Variants in ERC2 observed in about 807,000 individuals in gnomAD.
ERC2 encodes ERC protein 2.
In ERC2, 42 loss-of-function variants were observed where a neutral mutation model predicts 114.8. The observed-to-expected ratio is 0.37, with a 90% confidence interval of 0.29 to 0.47. The LOEUF (loss-of-function observed/expected upper bound fraction) is 0.47, where lower values mean the gene tolerates loss of function less well. Among genes scored for constraint, ERC2 ranks in the 20% least tolerant of loss-of-function variants. ERC2 has a pLI of 0.99. For synonymous variants in ERC2, 454 were observed against 425.5 expected (o/e 1.07, Z -0.82); for missense variants, 939 against 1,150.7 (o/e 0.82, Z 2.66).
intron 10 of ERC2, among the ~76,000 whole-genome samples, chr3:56,006,842 G>A (rs1040665214): frequency 6.6e-6 from 1 of 152,136 alleles, no homozygotes; most frequent in African/African-American, 2.4e-5. Flanking sequence ...TGTGGCTTCC[G>A]GATTCTGTGA....
intron 3 of ERC2, among the ~76,000 whole-genome samples, chr3:56,227,121 T>C (rs756218612): frequency 2.4e-4 from 36 of 152,018 alleles, no homozygotes; most frequent in Non-Finnish European, 4.6e-4. Flanking sequence ...TCATAACCAC[T>C]CCTTTGCAAA....
intron 17 of ERC2, among the ~76,000 whole-genome samples, chr3:55,521,354 C>A (rs1254104636): frequency 5.9e-5 from 9 of 152,240 alleles, no homozygotes; most frequent in Non-Finnish European, 1.0e-4. Flanking sequence ...CAAGATCCTA[C>A]AACCCAGTGC....
intron 5 of ERC2, 63 bp downstream of exon 5, chr3:56,148,914 G>C (rs2081281607): frequency 1.4e-6 from 2 of 1,451,426 alleles, no homozygotes; most frequent in Admixed American, 3.7e-5. Flanking sequence ...GAAAAAGTAT[G>C]TATGTAAACT....
intron 6 of ERC2, among the ~76,000 whole-genome samples, chr3:56,128,131 A>G (rs1007656903): frequency 6.6e-6 from 1 of 152,200 alleles, no homozygotes; most frequent in Non-Finnish European, 1.5e-5. Flanking sequence ...TAGTGCTCCA[A>G]GCACCAACAC....
intron 2 of ERC2, among the ~76,000 whole-genome samples, chr3:56,397,791 C>G (rs1406466956): frequency 2.0e-5 from 3 of 152,202 alleles, no homozygotes; most frequent in Non-Finnish European, 2.9e-5. Flanking sequence ...TAAAGTTGCT[C>G]TGGTACTTTA....
chr3:55,631,383 A>G (rs1016109011), intron 17 of ERC2, among the ~76,000 whole-genome samples: 6 of 152,226 alleles, frequency 3.9e-5, no homozygotes, highest in African/African-American at 7.2e-5. Flanking sequence ...GTTTCCAAAC[A>G]TAACAGCCAA....
chr3:55,625,018 C>T (rs1290878423), intron 17 of ERC2, among the ~76,000 whole-genome samples: 1 of 152,142 alleles, frequency 6.6e-6, no homozygotes, highest in Non-Finnish European at 1.5e-5. Flanking sequence ...TCCATCTCTC[C>T]ATGGAAACCA....
intron 2 of ERC2, among the ~76,000 whole-genome samples, chr3:56,417,215 G>T (rs971661251): frequency 2.0e-5 from 3 of 152,120 alleles, no homozygotes; most frequent in African/African-American, 4.8e-5. Context: ...CAACATAAGC[G>T]TCTGCCTTTT....
intron 7 of ERC2, among the ~76,000 whole-genome samples, chr3:56,025,837 C>G (rs995867892): frequency 6.6e-6 from 1 of 152,030 alleles, no homozygotes; most frequent in Non-Finnish European, 1.5e-5. Flanking sequence ...GCTTATTATA[C>G]CCATATTTTT....
At chr3:56,110,597 A>T (rs570654143) in intron 6 of ERC2, among the ~76,000 whole-genome samples, 4 of 152,202 alleles carry the variant, frequency 2.6e-5, no homozygotes, top group Non-Finnish European at 5.9e-5. Flanking sequence ...AGGAACATGG[A>T]AAGAATTTTT....
At chr3:56,405,923 C>T (rs1226051832) in intron 2 of ERC2, among the ~76,000 whole-genome samples, 5 of 115,448 alleles carry the variant, frequency 4.3e-5, no homozygotes, top group Non-Finnish European at 8.2e-5. Context: ...GATAGAGTCT[C>T]ACTCTGTCAC....
intron 8 of ERC2, 43 bp from the exon 9 acceptor site, chr3:56,010,632 G>GTGTATATGCCA (rs1408121337): frequency 6.3e-7 from 1 of 1,594,086 alleles, no homozygotes; most frequent in African/African-American, 1.3e-5. Flanking sequence ...GAACCCATCA[G>GTGTATATGCCA]TGTATATGCC....
At chr3:55,630,613 T>C (rs1482284051) in intron 17 of ERC2, among the ~76,000 whole-genome samples, 2 of 152,212 alleles carry the variant, frequency 1.3e-5, no homozygotes, top group African/African-American at 2.4e-5. Flanking sequence ...ACCAGGTCCT[T>C]CTGAGACCTC....
chr3:56,046,853 GT>G (rs1411160365), intron 7 of ERC2, among the ~76,000 whole-genome samples: 1 of 152,162 alleles, frequency 6.6e-6, no homozygotes, highest in Non-Finnish European at 1.5e-5. Context: ...AAAGTTTAAT[GT>G]TGTTCATTCC....
intron 13 of ERC2, among the ~76,000 whole-genome samples, chr3:55,937,113 G>A (rs2066492307): frequency 6.6e-6 from 1 of 152,132 alleles, no homozygotes; most frequent in African/African-American, 2.4e-5. Context: ...GGCCAAGTGG[G>A]GCAGATCACT....
At chr3:56,355,903 A>G (rs1055606455) in intron 2 of ERC2, among the ~76,000 whole-genome samples, 1 of 152,192 alleles carries the variant, frequency 6.6e-6, no homozygotes, top group Non-Finnish European at 1.5e-5. Flanking sequence ...TGGAGAGGTG[A>G]TGAATCAGAC....
At chr3:56,360,247 C>T (rs1464345096) in intron 2 of ERC2, among the ~76,000 whole-genome samples, 1 of 151,776 alleles carries the variant, frequency 6.6e-6, no homozygotes, top group Admixed American at 6.6e-5. Context: ...GATGGGGTTT[C>T]ACCGTCTTGA....
chr3:55,600,489 A>G (rs2058350447), intron 17 of ERC2, among the ~76,000 whole-genome samples: 1 of 152,218 alleles, frequency 6.6e-6, no homozygotes, highest in South Asian at 2.1e-4. Flanking sequence ...TGGGGGAAAC[A>G]TTCACGTCTG....
intron 2 of ERC2, among the ~76,000 whole-genome samples, chr3:56,356,100 G>C (rs1445124536): frequency 6.6e-6 from 1 of 152,210 alleles, no homozygotes; most frequent in Non-Finnish European, 1.5e-5. Context: ...CAAGCTGGTT[G>C]TGAAAAACAA....
Sources: allele counts gnomAD v4.1 joint callset (sites outside exome capture counted in the v4.1 genomes callset), GRCh38; gene constraint gnomAD v4.1.1; transcripts MANE v1.5; gene names NCBI Gene and HGNC (gene_info 2026-07-23, HGNC 2026-07-21).